PHF20: variants seen among roughly 807,000 people sequenced by gnomAD.
PHF20 encodes glioma-expressed antigen 2.
Under a neutral mutation model 113.5 loss-of-function variants are expected in PHF20, and 23 were observed. That is an observed-to-expected ratio of 0.20 (90% CI 0.15 to 0.29). PHF20 has a LOEUF of 0.29. Among genes scored for constraint, PHF20 ranks in the 10% least tolerant of loss-of-function variants. The pLI, the probability that PHF20 is intolerant of heterozygous loss-of-function variation, is 1.00. For missense variants in PHF20, 943 were observed against 1,219.6 expected (o/e 0.77, Z 3.38); for synonymous variants, 434 against 457.3 (o/e 0.95, Z 0.65).
chr20:35,786,042 A>C (rs113913862), intron 1 of PHF20, among the ~76,000 whole-genome samples: 7,103 of 150,512 alleles, frequency 0.047, 208 homozygotes, highest in African/African-American at 0.087. Flanking sequence ...AAAAAAAAAA[A>C]AAACAAAAAA....
At chr20:35,774,778 G>T (rs1244588633) in intron 1 of PHF20, 1 of 152,228 alleles carries the variant, frequency 6.6e-6, no homozygotes, top group East Asian at 1.9e-4. Context: ...GGGATTTAAT[G>T]ATACTCCCAG....
At chr20:35,898,902 T>G (rs1254723850) in intron 9 of PHF20, among the ~76,000 whole-genome samples, 1 of 152,136 alleles carries the variant, frequency 6.6e-6, no homozygotes, top group African/African-American at 2.4e-5. Flanking sequence ...TGAACCACCA[T>G]GCCCAGCCCA....
At chr20:35,840,827 C>T (rs1055318940) in intron 2 of PHF20, among the ~76,000 whole-genome samples, 2 of 152,024 alleles carry the variant, frequency 1.3e-5, no homozygotes, top group Non-Finnish European at 2.9e-5. Flanking sequence ...TCTTTATGAC[C>T]TTGGCCACCA....
chr20:35,832,161 T>C (rs1340814135), intron 2 of PHF20, among the ~76,000 whole-genome samples: 1 of 152,204 alleles, frequency 6.6e-6, no homozygotes, highest in Non-Finnish European at 1.5e-5. Flanking sequence ...ACTGCCTCTT[T>C]GATCAGCTGG....
At position 35,847,376 on chromosome 20, in the gene PHF20, T is replaced by C. The variant is rs1202167351; in HGVS notation, c.282T>C (p.Leu94=). The change falls in exon 4 of 18, where the codon CTT becomes CTC. Residue 94 remains leucine (L), a synonymous_variant. Coordinates refer to ENST00000374012, the MANE Select transcript of PHF20 (RefSeq NM_016436.5). The stretch of plus-strand genomic sequence containing the variant: ...AATTTCAAATAAATGAGCAGGTCCT[T>C]GCTTGCTGGTCTGATTGTCGTTTTT... ...SSEFQINEQV[L]ACWSDCRFYP... is the part of the protein sequence containing the mutation. 6.2e-7 allele frequency: 1 copy of C among 1,612,490 alleles called. No homozygotes were observed. Among genetic ancestry groups the C allele is most frequent in the Non-Finnish European group, 8.5e-7 (1 of 1,178,912 alleles).
chr20:35,896,622 A>G (rs1217218503), intron 9 of PHF20, among the ~76,000 whole-genome samples: 1 of 150,320 alleles, frequency 6.7e-6, no homozygotes, highest in Non-Finnish European at 1.5e-5. Context: ...ACCAGGCTGG[A>G]CCAGTCTCTA....
chr20:35,794,885 T>C (rs553431401), intron 1 of PHF20, among the ~76,000 whole-genome samples: 30 of 152,084 alleles, frequency 2.0e-4, no homozygotes, highest in African/African-American at 7.2e-4. Flanking sequence ...GTACATTAAC[T>C]GTAAATGTGA....
At chr20:35,796,192 G>T (rs987508214) in intron 1 of PHF20, among the ~76,000 whole-genome samples, 1 of 151,970 alleles carries the variant, frequency 6.6e-6, no homozygotes, top group Non-Finnish European at 1.5e-5. Context: ...TTTGGATAAG[G>T]TTATTTTACA....
intron 4 of PHF20, chr20:35,856,415 GTT>G (rs1360660270): frequency 6.6e-6 from 1 of 152,210 alleles, no homozygotes; most frequent in African/African-American, 2.4e-5. Context: ...CCCAGTTGCT[GTT>G]TCAGTGTATC....
chr20:35,942,982 C>G (rs1020323901), intron 17 of PHF20, among the ~76,000 whole-genome samples: 1 of 152,038 alleles, frequency 6.6e-6, no homozygotes, highest in African/African-American at 2.4e-5. Context: ...CGCCACCAGG[C>G]CCGGCTAATT....
At chr20:35,800,075 T>G (rs1307159723) in intron 1 of PHF20, 3 of 152,144 alleles carry the variant, frequency 2.0e-5, no homozygotes, top group Non-Finnish European at 4.4e-5. Context: ...ATCATAAATA[T>G]AAATTTTATT....
At chr20:35,779,811 G>A (rs1471373871) in intron 1 of PHF20, among the ~76,000 whole-genome samples, 7 of 152,110 alleles carry the variant, frequency 4.6e-5, no homozygotes, top group African/African-American at 9.7e-5. Context: ...GTGAGCCACT[G>A]TGCCCGGCCA....
chr20:35,809,907 C>G (rs1042745787), intron 2 of PHF20, among the ~76,000 whole-genome samples: 2 of 152,110 alleles, frequency 1.3e-5, no homozygotes, highest in South Asian at 4.1e-4. Context: ...ACCTGACTGT[C>G]AAACCAAGGA....
At chr20:35,855,317 G>C in intron 4 of PHF20, 1 of 1,180,438 alleles carries the variant, frequency 8.5e-7, no homozygotes, top group Non-Finnish European at 1.1e-6. Flanking sequence ...TCATTGCTGA[G>C]CTGCCTGTGT....
At chr20:35,825,323 A>G (rs186342678) in intron 2 of PHF20, among the ~76,000 whole-genome samples, 2 of 152,040 alleles carry the variant, frequency 1.3e-5, no homozygotes, top group East Asian at 3.9e-4. Context: ...GTGCCCAGCT[A>G]TTTTTTACAT....
chr20:35,839,183 G>A (rs2042496729), intron 2 of PHF20, among the ~76,000 whole-genome samples: 1 of 151,912 alleles, frequency 6.6e-6, no homozygotes, highest in East Asian at 1.9e-4. Flanking sequence ...GAGATCAGGA[G>A]ATCGAGACCA....
rs370766963 is a variant in PHF20 at position 35,795,457 on chromosome 20, G to A, written c.-32-6034G>A. ...TCACCACATTGGCCAGGCTGGTCTC[G>A]AACTCCTGACCTCAAGTGATCTGCC... On this transcript the variant is annotated intron_variant, in intron 1 of 17. Coordinates refer to ENST00000374012, the MANE Select transcript of PHF20 (RefSeq NM_016436.5). Among the ~76,000 whole-genome samples the A allele has an allele frequency of 9.3e-4, 141 of 151,966 alleles. 2 individuals carry two copies. The highest frequency in any genetic ancestry group is 6.8e-3 in the Middle Eastern group (2 of 292).
rs139455127 is a variant in PHF20, at chr20:35,931,760, G to A, written c.2300+316G>A. ...GAGGTAAGGAGTTCGAGACCAGCCT[G>A]ACCAACATGGTGAAACCCTGTCTCT... On this transcript the variant is annotated intron_variant, in intron 15 of 17. Transcript: ENST00000374012. 8.9e-3 allele frequency among the ~76,000 whole-genome samples: 1,354 copies of A among 152,156 alleles called. 23 individuals are homozygous for A. The highest frequency in any genetic ancestry group is 0.031 in the African/African-American group (1,296 of 41,514).
chr20:35,797,245 GC>G (rs1337702286), intron 1 of PHF20, among the ~76,000 whole-genome samples: 1 of 151,688 alleles, frequency 6.6e-6, no homozygotes, highest in African/African-American at 2.4e-5. Flanking sequence ...GGGCGTGGTG[GC>G]TCATGCCTGT....
Sources: gnomAD v4.1 joint callset for allele counts (sites outside exome capture counted in the v4.1 genomes callset) on GRCh38, gnomAD v4.1.1 for gene constraint, MANE v1.5 for transcripts, NCBI Gene and HGNC (gene_info 2026-07-23, HGNC 2026-07-21) for gene names.